NXPH1: variants seen among roughly 807,000 people sequenced by gnomAD.
NXPH1 encodes the protein neurexophilin 1.
A neutral mutation model predicts 23.7 loss-of-function variants in NXPH1; 5 were observed. The observed-to-expected ratio is 0.21, with a 90% CI of 0.11 to 0.44. NXPH1 has a LOEUF of 0.44. Ranked by LOEUF, NXPH1 falls within the 20% of genes least tolerant of loss-of-function variation. The probability of loss-of-function intolerance (pLI) is 0.99; values close to 1 mark genes in which losing one functional copy is unlikely to be tolerated. For missense variants in NXPH1, 324 were observed against 321.6 expected, an observed-to-expected ratio of 1.01 and a Z score of -0.06; for synonymous variants, 144 against 122.2, an observed-to-expected ratio of 1.18 and a Z score of -1.18.
intron 2 of NXPH1, among the ~76,000 whole-genome samples, chr7:8,479,296 T>C (rs938886636): frequency 1.3e-5 from 2 of 152,156 alleles, no homozygotes; most frequent in Admixed American, 6.6e-5. Flanking sequence ...TAGTATTGTA[T>C]TGTTATTCTT....
chr7:8,450,908 C>T (rs575853577), intron 2 of NXPH1, among the ~76,000 whole-genome samples: 1 of 150,956 alleles, frequency 6.6e-6, no homozygotes, highest in African/African-American at 2.5e-5. Context: ...ATTTTAATGC[C>T]TAGTTCCTAG....
rs114848632 is a variant in NXPH1, at chr7:8,454,711, G to C, written c.54+18944G>C. Among the ~76,000 whole-genome samples the C allele has an allele frequency of 5.6e-3, 849 of 152,222 alleles. 10 individuals carry two copies. The highest frequency in any genetic ancestry group is 0.019 in the African/African-American group (809 of 41,548). On this transcript the variant is annotated intron_variant, in intron 2 of 2. Transcript: ENST00000405863. ...GGCTCTAGAGGAACATTGGTGGCTTGTCGTAGAGTTAGAATAAGTCAACTT... is the reference window on the plus strand; with the variant it reads ...GGCTCTAGAGGAACATTGGTGGCTTCTCGTAGAGTTAGAATAAGTCAACTT...
Position 8,744,178 on chromosome 7 carries a change from T to C in NXPH1, c.55-6830T>C, listed in dbSNP as rs550532803. ...TATAGTCTCAAAAGAATCATATATT[T>C]AAAAATGCATACACTTATGTTAATA... On this transcript the variant is annotated intron_variant, in intron 2 of 2. Transcript: ENST00000405863. 8.1e-4 allele frequency among the ~76,000 whole-genome samples: 124 copies of C among 152,332 alleles called. 1 individual carries two copies. The highest frequency in any genetic ancestry group is 2.9e-3 in the African/African-American group (121 of 41,582).
intron 2 of NXPH1, among the ~76,000 whole-genome samples, chr7:8,590,706 T>A (rs894282535): frequency 6.6e-6 from 1 of 152,124 alleles, no homozygotes; most frequent in Non-Finnish European, 1.5e-5. Flanking sequence ...CCCTCATCAA[T>A]GATTCTTCCT....
chr7:8,500,721 C>A (rs1392593705), intron 2 of NXPH1, among the ~76,000 whole-genome samples: 2 of 152,038 alleles, frequency 1.3e-5, no homozygotes, highest in African/African-American at 4.8e-5. Context: ...ACCACTGGAA[C>A]CAGCTGATGC....
intron 2 of NXPH1, among the ~76,000 whole-genome samples, chr7:8,746,154 C>G (rs556172841): frequency 6.6e-6 from 1 of 152,170 alleles, no homozygotes; most frequent in Non-Finnish European, 1.5e-5. Flanking sequence ...CACTATACAG[C>G]TATTTTGTTA....
chr7:8,493,171 G>A (rs1209914259), intron 2 of NXPH1, among the ~76,000 whole-genome samples: 1 of 151,960 alleles, frequency 6.6e-6, no homozygotes, highest in Non-Finnish European at 1.5e-5. Flanking sequence ...GCCATTGCCA[G>A]GGTTATATTA....
intron 2 of NXPH1, among the ~76,000 whole-genome samples, chr7:8,578,697 G>A (rs914880863): frequency 2.0e-5 from 3 of 152,176 alleles, no homozygotes; most frequent in South Asian, 4.1e-4. Flanking sequence ...TCACTGAAGA[G>A]GGGAGGAACA....
At chr7:8,548,572 C>T (rs1383178391) in intron 2 of NXPH1, among the ~76,000 whole-genome samples, 1 of 151,414 alleles carries the variant, frequency 6.6e-6, no homozygotes, top group Non-Finnish European at 1.5e-5. Context: ...TGCGAGACTG[C>T]CTAATGTGCC....
chr7:8,519,117 A>G (rs1817730474), intron 2 of NXPH1, among the ~76,000 whole-genome samples: 1 of 152,156 alleles, frequency 6.6e-6, no homozygotes. Flanking sequence ...CAGTATGGCT[A>G]AGCCTCATTA....
At chr7:8,512,953 G>C (rs1234491199) in intron 2 of NXPH1, among the ~76,000 whole-genome samples, 2 of 152,082 alleles carry the variant, frequency 1.3e-5, no homozygotes, top group East Asian at 3.9e-4. Context: ...TATATTACTA[G>C]CAAGTAATCC....
At chr7:8,485,116 G>A (rs536921267) in intron 2 of NXPH1, among the ~76,000 whole-genome samples, 4 of 152,208 alleles carry the variant, frequency 2.6e-5, no homozygotes, top group South Asian at 2.1e-4. Flanking sequence ...GGAGGGACCC[G>A]GTGCAAGGCA....
At chr7:8,588,443 T>C (rs1011812030) in intron 2 of NXPH1, among the ~76,000 whole-genome samples, 1 of 147,236 alleles carries the variant, frequency 6.8e-6, no homozygotes, top group African/African-American at 2.6e-5. Context: ...GGGAAAGTTG[T>C]GTCCCAGGAC....
At chr7:8,480,227 G>T (rs1817050401) in intron 2 of NXPH1, among the ~76,000 whole-genome samples, 1 of 151,932 alleles carries the variant, frequency 6.6e-6, no homozygotes, top group South Asian at 2.1e-4. Context: ...TTTTCTGTGT[G>T]GTTTTCTGTA....
chr7:8,657,905 G>A (rs1036875184), intron 2 of NXPH1, among the ~76,000 whole-genome samples: 7 of 152,176 alleles, frequency 4.6e-5, no homozygotes, highest in Non-Finnish European at 8.8e-5. Flanking sequence ...GCACGCACCT[G>A]TAATCCCAGC....
chr7:8,452,254 T>C (rs887205225), intron 2 of NXPH1, among the ~76,000 whole-genome samples: 2 of 152,284 alleles, frequency 1.3e-5, no homozygotes, highest in East Asian at 1.9e-4. Context: ...TTTCTAACAA[T>C]CCAATAACCG....
chr7:8,590,513 C>T (rs1032919395), intron 2 of NXPH1, among the ~76,000 whole-genome samples: 2 of 152,012 alleles, frequency 1.3e-5, no homozygotes, highest in South Asian at 4.1e-4. Context: ...TACATAATAG[C>T]GACAACACCT....
rs1337744903 is a variant in NXPH1 at position 8,659,492 on chromosome 7, A to G, written c.55-91516A>G. ...CAAACTATCGCAAGGACAGAAAACCAAACACTGCATGTTCTCACTCATAGG... is the reference window on the plus strand; with the variant it reads ...CAAACTATCGCAAGGACAGAAAACCGAACACTGCATGTTCTCACTCATAGG... On this transcript the variant is annotated intron_variant, in intron 2 of 2. Coordinates refer to ENST00000405863, the MANE Select transcript of NXPH1 (RefSeq NM_152745.3). 2.6e-5 allele frequency among the ~76,000 whole-genome samples: 4 copies of G among 152,216 alleles called. No individual in the cohort carries two copies. The East Asian group carries it at 7.7e-4, about 29-fold the overall frequency.
chr7:8,483,877 T>C (rs1324179885), intron 2 of NXPH1, among the ~76,000 whole-genome samples: 1 of 152,066 alleles, frequency 6.6e-6, no homozygotes, highest in African/African-American at 2.4e-5. Context: ...TTATTAACTT[T>C]CCTTTTATAT....
Sources: gnomAD v4.1 joint callset for allele counts (sites outside exome capture counted in the v4.1 genomes callset) on GRCh38, gnomAD v4.1.1 for gene constraint, MANE v1.5 for transcripts, NCBI Gene and HGNC (gene_info 2026-07-23, HGNC 2026-07-21) for gene names.